Variants in KIF15 observed in about 807,000 individuals in gnomAD.
KIF15 encodes kinesin family member 15, also known as kinesin-like protein KIF15.
KIF15 carries 140 observed loss-of-function variants against 190.6 expected under a neutral mutation model. The ratio of observed to expected loss-of-function variants is 0.73; its 90% CI spans 0.64 to 0.84. KIF15 has a LOEUF of 0.84. KIF15 is among the 40% of genes least tolerant of loss of function. The pLI is 0.00. For synonymous variants in KIF15, 528 were observed against 551.3 expected (o/e 0.96, Z 0.59); for missense variants, 1,372 against 1,584.4 (o/e 0.87, Z 2.28).
intron 7 of KIF15, among the ~76,000 whole-genome samples, chr3:44,792,321 C>G (rs1340797751): frequency 6.6e-6 from 1 of 151,464 alleles, no homozygotes; most frequent in Non-Finnish European, 1.5e-5. Context: ...ATTAAAAATA[C>G]AAAAAAATTA....
At chr3:44,832,289 G>A (rs897914461) in intron 26 of KIF15, among the ~76,000 whole-genome samples, 1 of 152,212 alleles carries the variant, frequency 6.6e-6, no homozygotes, top group African/African-American at 2.4e-5. Flanking sequence ...AGCCTGTGTA[G>A]TGAAGTGTCT....
At chr3:44,864,401 CT>C in intron 6 of KIF15, 6 of 1,605,348 alleles carry the variant, frequency 3.7e-6, no homozygotes, top group Non-Finnish European at 5.1e-6. Flanking sequence ...GGTGAGTTGT[CT>C]TTGGATAACC....
chr3:44,786,373 A>C (rs769172616), intron 6 of KIF15, 22 bp from the exon 7 acceptor site: 1 of 1,585,070 alleles, frequency 6.3e-7, no homozygotes, highest in East Asian at 2.3e-5. Flanking sequence ...TAATGTATCT[A>C]AATGAGGCTT....
At chr3:44,823,921 G>T (rs1471614608) in intron 20 of KIF15, among the ~76,000 whole-genome samples, 1 of 152,182 alleles carries the variant, frequency 6.6e-6, no homozygotes, top group Non-Finnish European at 1.5e-5. Flanking sequence ...AGTCTGTCAT[G>T]GCTTCCCTTG....
intron 27 of KIF15, among the ~76,000 whole-genome samples, chr3:44,838,645 G>A (rs544242301): frequency 1.3e-5 from 2 of 151,822 alleles, no homozygotes; most frequent in African/African-American, 4.8e-5. Flanking sequence ...CTACTTGGGA[G>A]GCTGAGGCAC....
At chr3:44,858,890 G>A (rs938080895) in intron 6 of KIF15, among the ~76,000 whole-genome samples, 4 of 152,216 alleles carry the variant, frequency 2.6e-5, no homozygotes, top group Non-Finnish European at 5.9e-5. Context: ...CCCGAAGCTC[G>A]GTGTCCGTGA....
At chr3:44,863,765 C>T (rs995294422) in intron 6 of KIF15, 1 of 180,570 alleles carries the variant, frequency 5.5e-6, no homozygotes, top group Non-Finnish European at 1.2e-5. Flanking sequence ...ACAGAGCAGA[C>T]ATTGCTAATT....
chr3:44,802,649 T>G (rs1707332039), intron 13 of KIF15, among the ~76,000 whole-genome samples, 165 bp from the exon 14 acceptor site: 1 of 152,186 alleles, frequency 6.6e-6, no homozygotes, highest in South Asian at 2.1e-4. Context: ...GACATGCATA[T>G]TTTCAAACTG....
intron 29 of KIF15, among the ~76,000 whole-genome samples, chr3:44,842,258 C>T (rs1277615132): frequency 6.6e-6 from 1 of 151,896 alleles, no homozygotes; most frequent in East Asian, 1.9e-4. Context: ...TTTTTTTAAG[C>T]TTCCTCATAG....
chr3:44,854,837 C>T (rs1699169538), downstream of KIF15, among the ~76,000 whole-genome samples: 1 of 152,178 alleles, frequency 6.6e-6, no homozygotes, highest in Non-Finnish European at 1.5e-5. Flanking sequence ...GTGCCTCTAT[C>T]TCTTCTTAGA....
chr3:44,814,760 G>T (rs1312452278), intron 19 of KIF15, 151 bp from the exon 20 acceptor site: 4 of 490,242 alleles, frequency 8.2e-6, no homozygotes, highest in Admixed American at 8.3e-5. Context: ...AGAAATCTCA[G>T]TGCTGCTAGG....
chr3:44,801,922 A>G lies in KIF15; in HGVS notation c.1457A>G (p.Gln486Arg). 6.2e-7 allele frequency: 1 copy of G among 1,613,960 alleles called. No homozygotes were observed. The highest frequency in any genetic ancestry group is 8.5e-7 in the Non-Finnish European group (1 of 1,179,870). The change falls in exon 13 of 35, where the codon CAG becomes CGG. Residue 486 changes from glutamine (Q) to arginine (R), a missense_variant. Transcript: ENST00000326047. ...CGGGGAGGTTTTCTGCCTGAGGAGC[A>G]GGATCGTTTGCTCTCAGAATTAAGG... ...ESRGGFLPEEQDRLLSELRNE... is the reference protein window; with the variant it reads ...ESRGGFLPEERDRLLSELRNE...
At chr3:44,812,462 A>G (rs547118469) in intron 18 of KIF15, among the ~76,000 whole-genome samples, 173 bp downstream of exon 18, 29 of 152,356 alleles carry the variant, frequency 1.9e-4, no homozygotes, top group Admixed American at 8.5e-4. Flanking sequence ...TTTGAGCTGT[A>G]TTCTCTACCT....
rs1699107864 is a variant in KIF15 at position 44,852,725 on chromosome 3, G to A, written c.4157G>A (p.Ser1386Asn). 6.2e-7 allele frequency: 1 copy of A among 1,600,182 alleles called. No homozygotes were observed. Among genetic ancestry groups the A allele is most frequent in the Admixed American group, 1.7e-5 (1 of 57,350 alleles). Residue 1386 changes from serine to asparagine, a missense_variant, in exon 35 of 35, where the codon AGT (serine) becomes AAT (asparagine). Physicochemically the swap from Ser to Asn is conservative, Grantham distance 46 (BLOSUM62 1). Transcript: ENST00000326047. ...GTATTTTTAAAAGAAAAGAAAAGAA[G>A]TGAATCTTGAGGATTCCGGTCAGCT... Reference protein sequence around the residue: ...ENVFLKEKKRSES With the variant: ...ENVFLKEKKRNES
intron 1 of KIF15, among the ~76,000 whole-genome samples, chr3:44,762,278 A>G (rs543856869): frequency 6.6e-6 from 1 of 152,226 alleles, no homozygotes; most frequent in Admixed American, 6.5e-5. Flanking sequence ...GCGTATTTCT[A>G]CATTTCTGAC....
chr3:44,848,409 T>G, intron 31 of KIF15, 112 bp from the exon 32 acceptor site: 1 of 606,168 alleles, frequency 1.6e-6, no homozygotes, highest in Non-Finnish European at 2.9e-6. Context: ...GGATATTGGT[T>G]TGATTTTATT....
At chr3:44,861,775 G>A in intron 6 of KIF15, 3 of 876,026 alleles carry the variant, frequency 3.4e-6, no homozygotes, top group Non-Finnish European at 5.1e-6. Context: ...CACCTGGCCC[G>A]CCCCCTCCGA....
chr3:44,805,942 C>T lies in KIF15; in HGVS notation c.1927C>T (p.Gln643Ter), dbSNP rs1372089125. ...GGAAGCAACAAAAGCCTGCAAGCGG[C>T]AAGAAGTTTCTCAGCTGAATAAAAT... ...LLEATKACKR[Q>*]EVSQLNKIHA... Residue 643 changes from glutamine to a stop codon, truncating the protein, a stop_gained, in exon 16 of 35, where the codon CAA becomes TAA. Coordinates refer to ENST00000326047, the MANE Select transcript of KIF15 (RefSeq NM_020242.3). LOFTEE classifies it high-confidence loss of function. 2 of 1,614,092 alleles carry T rather than the reference C, an allele frequency of 1.2e-6. No individual in the cohort carries two copies. The highest frequency in any genetic ancestry group is 1.7e-6 in the Non-Finnish European group (2 of 1,180,004).
Position 44,805,161 on chromosome 3 carries a change from C to T in KIF15, c.1822C>T (p.Leu608Phe), listed in dbSNP as rs760582887. The change falls in exon 15 of 35, where the codon CTT becomes TTT. Residue 608 changes from leucine (L) to phenylalanine (F), a missense_variant. Coordinates refer to ENST00000326047, the MANE Select transcript of KIF15 (RefSeq NM_020242.3). ...SKQEYEEFKE[L>F]TRKRQLELES... ...GCAAGAATATGAAGAATTCAAAGAA[C>T]TTACTAGGTAAAGTCTAAATACACA... The T allele has an allele frequency of 4.3e-6, 7 of 1,610,578 alleles. No individual in the cohort carries two copies. The highest frequency in any genetic ancestry group is 5.9e-6 in the Non-Finnish European group (7 of 1,179,054).
Sources: allele counts gnomAD v4.1 joint callset (sites outside exome capture counted in the v4.1 genomes callset), GRCh38; gene constraint gnomAD v4.1.1; transcripts MANE v1.5; gene names NCBI Gene and HGNC (gene_info 2026-07-23, HGNC 2026-07-21).